POMT1: variants seen among roughly 807,000 people sequenced by gnomAD.
POMT1 encodes protein O-mannosyl-transferase 1.
Under a neutral mutation model 101.6 loss-of-function variants are expected in POMT1, and 85 were observed. The observed-to-expected ratio is 0.84, with a 90% confidence interval of 0.70 to 1.00. POMT1 has a LOEUF of 1.00. Ranked by LOEUF, POMT1 falls within the 50% of genes least tolerant of loss-of-function variation. The pLI is 0.00. For synonymous variants in POMT1, 371 were observed against 383.0 expected (o/e 0.97, Z 0.37); for missense variants, 857 against 930.4 (o/e 0.92, Z 1.03).
At chr9:131,511,182 A>G in intron 9 of POMT1, 155 bp from the exon 10 acceptor site, 1 of 810,248 alleles carries the variant, frequency 1.2e-6, no homozygotes, top group Admixed American at 2.7e-5. Context: ...CTATAATGTA[A>G]CGTGATGTGA....
intron 2 of POMT1, 139 bp from the exon 3 acceptor site, chr9:131,505,975 C>A: frequency 8.4e-7 from 1 of 1,190,034 alleles, no homozygotes; most frequent in Non-Finnish European, 1.2e-6. Context: ...GGATGGGAAA[C>A]AATTGGGGCA....
In POMT1 at chr9:131,523,675, C is replaced by G. The variant is rs895531128; in HGVS notation, c.*569C>G. 1 of 166,400 alleles carries G rather than the reference C, an allele frequency of 6.0e-6. No homozygotes were observed. Among genetic ancestry groups the G allele is most frequent in the East Asian group, 1.6e-4 (1 of 6,222 alleles). The allele number at this position is 166,400 out of a possible 1,614,324, so 10.3% of individuals were successfully genotyped here. On this transcript the variant is annotated 3_prime_UTR_variant, in exon 20 of 20. Coordinates refer to ENST00000402686, the MANE Select transcript of POMT1 (RefSeq NM_001077365.2). ...TGGCACCGTGCTGTGTGGAAACCCT[C>G]CCCTCTGAGACTCCACTGAGACGTG...
At chr9:131,514,905 G>C (rs1947962879) in intron 12 of POMT1, among the ~76,000 whole-genome samples, 1 of 152,224 alleles carries the variant, frequency 6.6e-6, no homozygotes, top group Non-Finnish European at 1.5e-5. Context: ...GCAGTGAGCT[G>C]AGATCGCGCC....
chr9:131,504,459 T>C, intron 2 of POMT1, 119 bp downstream of exon 2: 1 of 1,491,110 alleles, frequency 6.7e-7, no homozygotes, highest in South Asian at 1.2e-5. Context: ...GATAGGTGTT[T>C]TTGGCAGTGA....
intron 11 of POMT1, 78 bp downstream of exon 11, chr9:131,512,214 G>C (rs1234175187): frequency 1.3e-5 from 20 of 1,568,332 alleles, no homozygotes; most frequent in East Asian, 2.3e-5. Context: ...TGCAGTCCTG[G>C]GCCCCCTTCT....
intron 17 of POMT1, among the ~76,000 whole-genome samples, chr9:131,520,602 C>T (rs1258050027): frequency 2.6e-5 from 4 of 152,238 alleles, no homozygotes; most frequent in Non-Finnish European, 5.9e-5. Flanking sequence ...TAAATATTCA[C>T]TGAATGGGCA....
intron 9 of POMT1, chr9:131,510,973 G>GACA: frequency 1.1e-5 from 3 of 281,262 alleles, no homozygotes; most frequent in Non-Finnish European, 2.1e-5. Flanking sequence ...GCCTGCCGAC[G>GACA]GCCAGTGCTG....
intron 14 of POMT1, 59 bp from the exon 15 acceptor site, chr9:131,518,778 G>C: frequency 3.7e-6 from 6 of 1,613,504 alleles, no homozygotes; most frequent in Non-Finnish European, 5.1e-6. Context: ...TCCAACCCAA[G>C]TGGACACGGG....
At position 131,519,464 on chromosome 9, in the gene POMT1, T is replaced by C. The variant is rs1407621966; in HGVS notation, c.1562T>C (p.Met521Thr). 2 of 1,550,974 alleles carry C rather than the reference T, an allele frequency of 1.3e-6. No homozygotes were observed. Among genetic ancestry groups the C allele is most frequent in the Middle Eastern group, 1.7e-4 (1 of 5,994 alleles). Reference protein sequence around the residue: ...QVDVSRNLSFMARFSELQWRM... With the variant: ...QVDVSRNLSFTARFSELQWRM... ...GACGTCAGCAGGAACCTCAGCTTCA[T>C]GGCGAGATTCTCGGAGCTGCAGGTG... Residue 521 changes from methionine (M) to threonine (T), a missense_variant, in exon 16 of 20, where the codon ATG becomes ACG. Met to Thr is a moderately conservative substitution (Grantham distance 81). Transcript: ENST00000402686. The surrounding 1 kb of genome is among the most constrained non-coding windows in gnomAD (Gnocchi z 4.3).
chr9:131,503,114 T>G lies in POMT1; in HGVS notation c.-31+41T>G, dbSNP rs1287307312. 1 of 152,276 alleles carries G rather than the reference T, an allele frequency of 6.6e-6. No homozygotes were observed. The highest frequency in any genetic ancestry group is 1.5e-5 in the Non-Finnish European group (1 of 68,106). The allele number at this position is 152,276 out of a possible 1,614,324, so 9.4% of individuals were successfully genotyped here. On this transcript the variant is annotated intron_variant, in intron 1 of 19. Coordinates refer to ENST00000402686, the MANE Select transcript of POMT1 (RefSeq NM_001077365.2). This position sits in a 1 kb window ranked among gnomAD's most constrained non-coding sequence, Gnocchi z 4.4. ...CCGGGGACGAGAGCCCAGCCCGGAC[T>G]TGGGGGAGTCCGTCAGTGCCGGACG...
chr9:131,521,143 G>A (rs902901445), intron 17 of POMT1: 2 of 669,004 alleles, frequency 3.0e-6, no homozygotes, highest in Non-Finnish European at 5.2e-6. Flanking sequence ...ACACCCGGCT[G>A]GCATCAGTGC....
intron 11 of POMT1, among the ~76,000 whole-genome samples, chr9:131,512,642 C>T (rs552722309): frequency 2.0e-3 from 311 of 152,198 alleles, no homozygotes; most frequent in African/African-American, 7.0e-3. Flanking sequence ...GACAGAGTCC[C>T]ACCCTGTTGC....
chr9:131,517,251 G>A (rs533863677), intron 13 of POMT1, among the ~76,000 whole-genome samples: 6 of 137,488 alleles, frequency 4.4e-5, no homozygotes, highest in African/African-American at 1.6e-4. Context: ...TTTTTTTTGC[G>A]ACTGGGTCTC....
chr9:131,512,037 A>C lies in POMT1; in HGVS notation c.987-4A>C, dbSNP rs776555531. 6.2e-7 allele frequency: 1 copy of C among 1,613,994 alleles called. No individual in the cohort carries two copies. Among genetic ancestry groups the C allele is most frequent in the Non-Finnish European group, 8.5e-7 (1 of 1,179,956 alleles). On this transcript the variant is annotated splice_region_variant and splice_polypyrimidine_tract_variant and intron_variant, in intron 10 of 19. Transcript: ENST00000402686. Reference sequence around the variant, plus strand: ...AGATACATCTCTTTGTTGACTTCACACAGATATGAGAACGGCCGAGGCAGC... The same window carrying C: ...AGATACATCTCTTTGTTGACTTCACCCAGATATGAGAACGGCCGAGGCAGC...
rs765489692 is a variant in POMT1, at chr9:131,509,764, G to A, written c.561G>A (p.Trp187Ter). The A allele has an allele frequency of 3.1e-6, 5 of 1,614,084 alleles. No homozygotes were observed. The highest frequency in any genetic ancestry group is 1.3e-5 in the African/African-American group (1 of 74,932). Residue 187 changes from tryptophan (W) to a stop codon, truncating the protein, a stop_gained, in exon 7 of 20, where the codon TGG (tryptophan) becomes TGA (stop). Transcript: ENST00000402686. LOFTEE classifies it high-confidence loss of function. ...QKHSPFSLSW[W>*]FWLTLTGVAC... is the part of the protein sequence containing the mutation. The stretch of plus-strand genomic sequence containing the variant: ...CCAGCCCTTTTTCTCTGAGCTGGTG[G>A]TTCTGGCTAACACTGACAGGGGTCG...
Position 131,507,141 on chromosome 9 carries a change from CT to C in POMT1, c.281-225del, listed in dbSNP as rs371152453. Among the ~76,000 whole-genome samples, 12 of 152,132 alleles carry C rather than the reference CT, an allele frequency of 7.9e-5. No individual in the cohort carries two copies. In the East Asian group the frequency reaches 2.3e-3, roughly 29 times the overall value. ...AAGTAAGGCGGTAAATTTTAGAATC[CT>C]TAGTCCTGTCTATGCTTCATGAGAT... On this transcript the variant is annotated intron_variant, in intron 4 of 19. Coordinates refer to ENST00000402686, the MANE Select transcript of POMT1 (RefSeq NM_001077365.2).
At chr9:131,510,977 A>ATG in intron 9 of POMT1, 2 of 263,350 alleles carry the variant, frequency 7.6e-6, no homozygotes, top group Non-Finnish European at 1.5e-5. Context: ...GCCGACGGCC[A>ATG]GTGCTGTAGT....
rs140787063 is a variant in POMT1, at chr9:131,523,526, C to T, written c.*420C>T. The T allele has an allele frequency of 2.1e-4, 61 of 289,396 alleles. 1 individual carries two copies. The highest frequency in any genetic ancestry group is 1.4e-3 in the East Asian group (15 of 11,102). The allele number at this position is 289,396 out of a possible 1,614,324, so 17.9% of individuals were successfully genotyped here. A position where few individuals can be genotyped will look rare whatever the true frequency, so the allele number is the denominator to read the frequency against. ...AACACCCAGCAACCTGAGCAAGTCC[C>T]GGCCCTGCCCTCAGCGAGCCCGGCA... On this transcript the variant is annotated 3_prime_UTR_variant, in exon 20 of 20. Coordinates refer to ENST00000402686, the MANE Select transcript of POMT1 (RefSeq NM_001077365.2).
At chr9:131,515,288 A>G in intron 12 of POMT1, 138 bp from the exon 13 acceptor site, 1 of 832,668 alleles carries the variant, frequency 1.2e-6, no homozygotes, top group Non-Finnish European at 2.1e-6. Flanking sequence ...AGTAGCAGCA[A>G]CTCATGGGAC....
Sources: gnomAD v4.1 joint callset for allele counts (sites outside exome capture counted in the v4.1 genomes callset) on GRCh38, gnomAD v4.1.1 for gene constraint, Gnocchi (gnomAD v3.1) non-coding constraint, MANE v1.5 for transcripts, NCBI Gene and HGNC (gene_info 2026-07-23, HGNC 2026-07-21) for gene names.